ADA2: variants seen among roughly 807,000 people sequenced by gnomAD.
The protein encoded by ADA2 is adenosine deaminase CECR1.
ADA2 carries 29 observed loss-of-function variants against 44.2 expected under a neutral mutation model. That is an observed-to-expected ratio of 0.66 (90% CI 0.49 to 0.89). The LOEUF is 0.89. Ranked by LOEUF, ADA2 falls within the 40% of genes least tolerant of loss-of-function variation. ADA2 has a pLI of 0.00. For synonymous variants in ADA2, 215 were observed against 234.9 expected, an observed-to-expected ratio of 0.92 and a Z score of 0.77; for missense variants, 637 against 644.8, an observed-to-expected ratio of 0.99 and a Z score of 0.13.
At chr22:17,193,071 A>G (rs2062141212) in intron 4 of ADA2, 10 of 892,524 alleles carry the variant, frequency 1.1e-5, no homozygotes, top group Admixed American at 2.0e-5. Flanking sequence ...CTCGATGCCC[A>G]ACAGTGGTTA....
chr22:17,189,156 A>T (rs1266842221), intron 6 of ADA2, among the ~76,000 whole-genome samples: 3 of 151,040 alleles, frequency 2.0e-5, no homozygotes, highest in Non-Finnish European at 4.4e-5. Flanking sequence ...AGCTGGGATT[A>T]CAGGTGCAGG....
Position 17,207,086 on chromosome 22 carries a change from G to A in ADA2, c.527C>T (p.Thr176Ile). 2 of 1,614,120 alleles carry A rather than the reference G, an allele frequency of 1.2e-6. No homozygotes were observed. The highest frequency in any genetic ancestry group is 1.7e-6 in the Non-Finnish European group (2 of 1,179,932). Reference sequence around the variant, plus strand: ...TACTACTCACCTGTCATCAAACTCAGTGACGTTCTGCACCCGCTTCCGATA... The same window carrying A: ...TACTACTCACCTGTCATCAAACTCAATGACGTTCTGCACCCGCTTCCGATA... ...EDYRKRVQNV[T>I]EFDDSLLRNF... The change falls in exon 3 of 10, where the codon ACT (threonine) becomes ATT (isoleucine). Residue 176 changes from threonine to isoleucine, a missense_variant. By Grantham distance (89) the Thr-to-Ile change is moderately conservative (BLOSUM62 -1). Coordinates refer to ENST00000399837, the MANE Select transcript of ADA2 (RefSeq NM_001282225.2).
intron 5 of ADA2, among the ~76,000 whole-genome samples, chr22:17,191,438 C>T (rs898200884): frequency 7.9e-5 from 12 of 152,238 alleles, no homozygotes; most frequent in African/African-American, 2.7e-4. Flanking sequence ...GAAATTCACA[C>T]ATTCTTCATT....
chr22:17,188,289 C>A, intron 7 of ADA2, 50 bp downstream of exon 7: 1 of 1,358,524 alleles, frequency 7.4e-7, no homozygotes, highest in South Asian at 1.2e-5. Flanking sequence ...TGGCCAGGAG[C>A]TCTCCCATTG....
intron 6 of ADA2, chr22:17,188,870 T>TATAAAAAAAAAA (rs2062077323): frequency 2.5e-5 from 1 of 39,854 alleles, no homozygotes; most frequent in Admixed American, 2.6e-4. Flanking sequence ...GAGCAAAAAA[T>TATAAAAAAAAAA]ATATATATAT....
chr22:17,210,192 ATT>A (rs35411316), intron 1 of ADA2, among the ~76,000 whole-genome samples: 64 of 134,724 alleles, frequency 4.8e-4, no homozygotes, highest in Admixed American at 7.5e-4. Flanking sequence ...ACCACCTGGC[ATT>A]TTTTTTTTTT....
chr22:17,209,173 A>G (rs1285187243), intron 2 of ADA2, among the ~76,000 whole-genome samples, 183 bp downstream of exon 2: 1 of 152,034 alleles, frequency 6.6e-6, no homozygotes. Flanking sequence ...GTCCCCCAGG[A>G]AGCAGGGGTT....
chr22:17,189,439 A>G (rs1412186081), intron 6 of ADA2, among the ~76,000 whole-genome samples: 1 of 152,206 alleles, frequency 6.6e-6, no homozygotes, highest in East Asian at 1.9e-4. Context: ...GTGGCCAGGC[A>G]TGATGGCTGG....
chr22:17,182,531 G>T, intron 8 of ADA2, 73 bp downstream of exon 8: 1 of 1,457,028 alleles, frequency 6.9e-7, no homozygotes, highest in Non-Finnish European at 9.6e-7. Flanking sequence ...AAGTTATACA[G>T]CAAAAAGTTT....
At chr22:17,195,683 G>A (rs2062181412) in intron 4 of ADA2, among the ~76,000 whole-genome samples, 1 of 151,818 alleles carries the variant, frequency 6.6e-6, no homozygotes. Flanking sequence ...TTTTCCTGAA[G>A]CTGCATCATG....
chr22:17,215,798 T>C (rs542457926), intron 1 of ADA2, among the ~76,000 whole-genome samples: 1 of 151,764 alleles, frequency 6.6e-6, no homozygotes, highest in South Asian at 2.1e-4. Flanking sequence ...CTATGAAGGG[T>C]TGGGGTAGAC....
chr22:17,188,863 C>CAAAAAAAAAAAAAAAAAAAAAAAAAAAAA lies in ADA2; in HGVS notation c.973-417_973-416insTTTTTTTTTTTTTTTTTTTTTTTTTTTTT, dbSNP rs371138653. 20 of 26,766 alleles carry CAAAAAAAAAAAAAAAAAAAAAAAAAAAAA rather than the reference C, an allele frequency of 7.5e-4. 3 individuals are homozygous for CAAAAAAAAAAAAAAAAAAAAAAAAAAAAA. Among genetic ancestry groups the CAAAAAAAAAAAAAAAAAAAAAAAAAAAAA allele is most frequent in the Non-Finnish European group, 1.4e-3 (16 of 11,586 alleles). 1.7% of individuals were successfully genotyped at this position (26,766 alleles called of 1,614,324 possible). A position where few individuals can be genotyped will look rare whatever the true frequency, so the allele number is the denominator to read the frequency against. On this transcript the variant is annotated intron_variant, in intron 6 of 9. Coordinates refer to ENST00000399837, the MANE Select transcript of ADA2 (RefSeq NM_001282225.2). ...CAATGCACTACAGCCTGGCCAAGAGCAAAAAATATATATATATATATATTT... is the reference window on the plus strand; with the variant it reads ...CAATGCACTACAGCCTGGCCAAGAGCAAAAAAAAAAAAAAAAAAAAAAAAAAAAAAAAAAATATATATATATATATATTT...
chr22:17,181,833 T>C lies in ADA2; in HGVS notation c.1429A>G (p.Met477Val), dbSNP rs1446295274. The change falls in exon 9 of 10, where the codon ATG becomes GTG. Residue 477 changes from methionine to valine, a missense_variant. Coordinates refer to ENST00000399837, the MANE Select transcript of ADA2 (RefSeq NM_001282225.2). ...ADLRTLKQLA[M>V]NSIKYSTLLE... ...CAGGACACTCACTTGATAGAGTTCA[T>C]GGCCAGCTGTTTGAGGGTCCTCAGG... 1.2e-6 allele frequency: 2 copies of C among 1,613,510 alleles called. No individual in the cohort carries two copies. Among genetic ancestry groups the C allele is most frequent in the Admixed American group, 3.3e-5 (2 of 60,020 alleles).
chr22:17,204,415 G>A (rs550664257), intron 3 of ADA2, among the ~76,000 whole-genome samples: 31 of 152,224 alleles, frequency 2.0e-4, no homozygotes, highest in African/African-American at 6.7e-4. Context: ...TCAGGAGTTC[G>A]AGATCAGCCT....
chr22:17,196,085 A>G (rs1489364370), intron 4 of ADA2, among the ~76,000 whole-genome samples: 2 of 151,348 alleles, frequency 1.3e-5, no homozygotes, highest in Non-Finnish European at 1.5e-5. Context: ...AATAGCTCAC[A>G]CCTGTAATCC....
chr22:17,212,604 A>C (rs1301139719), intron 1 of ADA2, among the ~76,000 whole-genome samples: 3 of 152,154 alleles, frequency 2.0e-5, no homozygotes, highest in Non-Finnish European at 4.4e-5. Flanking sequence ...ATATTTACAA[A>C]TTAGTTATCT....
intron 3 of ADA2, among the ~76,000 whole-genome samples, chr22:17,204,057 C>G (rs1316534980): frequency 6.6e-6 from 1 of 152,042 alleles, no homozygotes; most frequent in Admixed American, 6.5e-5. Flanking sequence ...CCTGTCCTCC[C>G]TCTGTATGCT....
In ADA2 at chr22:17,189,975, G is replaced by C. The variant is rs144415615; in HGVS notation, c.939C>G (p.Ile313Met). The C allele has an allele frequency of 6.2e-7, 1 of 1,613,976 alleles. No homozygotes were observed. The highest frequency in any genetic ancestry group is 8.5e-7 in the Non-Finnish European group (1 of 1,179,848). ...ACCCTGCCACCACCGTGGGGAACTT[G>C]ATTCGGAGCCCCATGGCCATTCGGA... ...ESIRMAMGLR[I>M]KFPTVVAGFD... Residue 313 changes from isoleucine to methionine, a missense_variant, in exon 6 of 10, where the codon ATC (isoleucine) becomes ATG (methionine). Transcript: ENST00000399837.
intron 1 of ADA2, among the ~76,000 whole-genome samples, chr22:17,212,879 G>C (rs553630379): frequency 1.3e-5 from 2 of 151,062 alleles, no homozygotes; most frequent in East Asian, 3.9e-4. Flanking sequence ...TCGCTGCAGC[G>C]GCAACCTCCC....
Sources: gnomAD v4.1 joint callset for allele counts (sites outside exome capture counted in the v4.1 genomes callset) on GRCh38, gnomAD v4.1.1 for gene constraint, MANE v1.5 for transcripts, NCBI Gene and HGNC (gene_info 2026-07-23, HGNC 2026-07-21) for gene names.